Variants in SEMA6A observed in about 807,000 individuals in gnomAD.
The protein encoded by SEMA6A is semaphorin-6A.
A neutral mutation model predicts 96.8 loss-of-function variants in SEMA6A; 25 were observed. The observed-to-expected ratio is 0.26, with a 90% CI of 0.19 to 0.36. The LOEUF (loss-of-function observed/expected upper bound fraction) is 0.36, where lower values mean the gene tolerates loss of function less well. SEMA6A is among the 10% of genes least tolerant of loss of function. The pLI is 1.00. For synonymous variants in SEMA6A, 612 were observed against 518.0 expected (o/e 1.18, Z -2.46); for missense variants, 1,363 against 1,323.1 (o/e 1.03, Z -0.47).
At chr5:116,454,790 G>GTGTGTGTGTGTGTGTGCA (rs1754893863) in intron 18 of SEMA6A, among the ~76,000 whole-genome samples, 1 of 2,800 alleles carries the variant, frequency 3.6e-4, no homozygotes, top group African/African-American at 1.0e-3. Flanking sequence ...TTTCCTTTAA[G>GTGTGTGTGTGTGTGTGCA]TGTGTGTGTG....
At chr5:116,447,848 A>C (rs1431615290) in intron 18 of SEMA6A, 37 bp from the exon 19 acceptor site, 1 of 1,498,874 alleles carries the variant, frequency 6.7e-7, no homozygotes, top group African/African-American at 1.4e-5. Flanking sequence ...AAGAAATGAA[A>C]GCACACCCCG....
At chr5:116,458,911 G>A (rs1482409474) in intron 18 of SEMA6A, among the ~76,000 whole-genome samples, 8 of 151,966 alleles carry the variant, frequency 5.3e-5, no homozygotes, top group South Asian at 2.1e-4. Context: ...CCCTGCACAC[G>A]TTCAAACATG....
At chr5:116,524,789 GAC>G (rs1379145592) in intron 1 of SEMA6A, among the ~76,000 whole-genome samples, 9 of 130,646 alleles carry the variant, frequency 6.9e-5, no homozygotes, top group Middle Eastern at 4.0e-3. Context: ...CACACACACA[GAC>G]ACACACACAC....
chr5:116,473,079 G>A lies in SEMA6A; in HGVS notation c.1723C>T (p.Leu575=). The change falls in exon 17 of 19, where the codon CTG becomes TTG. Residue 575 remains leucine, a synonymous_variant. Transcript: ENST00000343348. ...AGAGTAATATCTTCCTTACCATTCAGTGCCACAAAGGAATCTGAAAGACAA... is the reference window on the plus strand; with the variant it reads ...AGAGTAATATCTTCCTTACCATTCAATGCCACAAAGGAATCTGAAAGACAA... ...LGDCHNSFVA[L]NGHSSSLLPS... 6.3e-7 allele frequency: 1 copy of A among 1,594,970 alleles called. No individual in the cohort carries two copies. The highest frequency in any genetic ancestry group is 8.5e-7 in the Non-Finnish European group (1 of 1,169,822).
chr5:116,478,127 T>C lies in SEMA6A; in HGVS notation c.1455A>G (p.Lys485=), dbSNP rs757450618. 1 of 1,613,940 alleles carries C rather than the reference T, an allele frequency of 6.2e-7. No individual in the cohort carries two copies. Among genetic ancestry groups the C allele is most frequent in the South Asian group, 1.1e-5 (1 of 91,086 alleles). The change falls in exon 14 of 19, where the codon AAA becomes AAG. Residue 485 remains lysine (K), a synonymous_variant. Transcript: ENST00000343348. ...TGTCCAGCTGCATGCCCATGATCCT[T>C]TTGTCTTCGACTCCATCATAGCTGC... ...EKCSYDGVED[K]RIMGMQLDRA...
At position 116,446,598 on chromosome 5, in the gene SEMA6A, C is replaced by G. The variant is rs757374598; in HGVS notation, c.*15G>C. On this transcript the variant is annotated 3_prime_UTR_variant, in exon 19 of 19. Coordinates refer to ENST00000343348, the MANE Select transcript of SEMA6A (RefSeq NM_020796.5). ...CTTGCCTGCTGGTTCGACACCTGAC[C>G]CCCTCCCCCTGGGATTATGTACACG... 2.0e-6 allele frequency: 3 copies of G among 1,463,968 alleles called. No homozygotes were observed. The highest frequency in any genetic ancestry group is 2.7e-6 in the Non-Finnish European group (3 of 1,105,044). 90.7% of individuals were successfully genotyped at this position (1,463,968 alleles called of 1,614,324 possible).
At chr5:116,511,031 G>A (rs564334701) in intron 1 of SEMA6A, among the ~76,000 whole-genome samples, 3 of 152,266 alleles carry the variant, frequency 2.0e-5, no homozygotes, top group Non-Finnish European at 4.4e-5. Context: ...AATTCAGGGA[G>A]GTTAAGTAAC....
rs1754022772 is a variant in SEMA6A, at chr5:116,443,596, G to T, written c.*3017C>A. 6.6e-6 allele frequency: 1 copy of T among 152,634 alleles called. No homozygotes were observed. Among genetic ancestry groups the T allele is most frequent in the African/African-American group, 2.4e-5 (1 of 41,456 alleles). 9.5% of individuals were successfully genotyped at this position (152,634 alleles called of 1,614,324 possible). A position where few individuals can be genotyped will look rare whatever the true frequency, so the allele number is the denominator to read the frequency against. On this transcript the variant is annotated 3_prime_UTR_variant, in exon 19 of 19. Coordinates refer to ENST00000343348, the MANE Select transcript of SEMA6A (RefSeq NM_020796.5). ...GGTTTTATTACTTTTAAGTAATAAAGAGCCTTTTCCTTGCTTTTCTTTTTT... is the reference window on the plus strand; with the variant it reads ...GGTTTTATTACTTTTAAGTAATAAATAGCCTTTTCCTTGCTTTTCTTTTTT...
At chr5:116,569,736 T>C (rs1761135423) in intron 1 of SEMA6A, among the ~76,000 whole-genome samples, 1 of 152,076 alleles carries the variant, frequency 6.6e-6, no homozygotes, top group South Asian at 2.1e-4. Context: ...ACAGAGAAGC[T>C]TCAAGGAGAA....
intron 1 of SEMA6A, among the ~76,000 whole-genome samples, chr5:116,519,849 C>A (rs374865910): frequency 8.1e-4 from 124 of 152,278 alleles, no homozygotes; most frequent in African/African-American, 2.8e-3. Context: ...CTTAATCTAA[C>A]CTAACCTCAG....
chr5:116,533,580 G>A (rs1759582165), intron 1 of SEMA6A, among the ~76,000 whole-genome samples: 2 of 152,176 alleles, frequency 1.3e-5, no homozygotes, highest in Admixed American at 1.3e-4. Flanking sequence ...GGCACTGTCA[G>A]AGAAAAATTG....
intron 1 of SEMA6A, among the ~76,000 whole-genome samples, chr5:116,572,396 C>A (rs1417314699): frequency 6.6e-6 from 1 of 152,250 alleles, no homozygotes; most frequent in African/African-American, 2.4e-5. Flanking sequence ...AAAAAGCCTG[C>A]AGGGCTCCCC....
rs1231717461 is a variant in SEMA6A, at chr5:116,574,591, G to C, written c.-445C>G. On this transcript the variant is annotated 5_prime_UTR_variant, in exon 1 of 19. Coordinates refer to ENST00000343348, the MANE Select transcript of SEMA6A (RefSeq NM_020796.5). ...CGATTAACAAGTCATTTCAGGGCGG[G>C]GGGCGGGGTGGGGGCTGGGGCAGGG... 3 of 140,376 alleles carry C rather than the reference G, an allele frequency of 2.1e-5. No individual in the cohort carries two copies. Among genetic ancestry groups the C allele is most frequent in the African/African-American group, 7.6e-5 (3 of 39,366 alleles). The allele number at this position is 140,376 out of a possible 1,614,324, so 8.7% of individuals were successfully genotyped here.
chr5:116,498,121 T>C (rs1757690820), intron 3 of SEMA6A, among the ~76,000 whole-genome samples: 1 of 152,126 alleles, frequency 6.6e-6, no homozygotes, highest in South Asian at 2.1e-4. Flanking sequence ...TCCCCTTCTG[T>C]GTGAGCTGAG....
At chr5:116,462,760 G>T (rs891129252) in intron 18 of SEMA6A, among the ~76,000 whole-genome samples, 1 of 152,116 alleles carries the variant, frequency 6.6e-6, no homozygotes, top group African/African-American at 2.4e-5. Flanking sequence ...AAAGTTCTTG[G>T]TAATAGTTTA....
At chr5:116,453,965 A>G (rs77063974) in intron 18 of SEMA6A, among the ~76,000 whole-genome samples, 1,676 of 152,244 alleles carry the variant, frequency 0.011, 63 homozygotes, top group Admixed American at 0.063. Flanking sequence ...CCCCACCCCA[A>G]TTACCACCCT....
Position 116,447,548 on chromosome 5 carries a change from C to G in SEMA6A, c.2158G>C (p.Glu720Gln). Residue 720 changes from glutamate to glutamine, a missense_variant, in exon 19 of 19, where the codon GAG (glutamate) becomes CAG (glutamine). Glu to Gln is a conservative substitution (Grantham distance 29). This residue lies in a region of SEMA6A where 883 missense variants were observed against 763.6 expected (regional missense o/e 1.16). Coordinates refer to ENST00000343348, the MANE Select transcript of SEMA6A (RefSeq NM_020796.5). ...TGCATGAGTGGCGTGAGGATGGCCT[C>G]CGGCTTTGGGTCTTTGGATTGAGTG... is the stretch of plus-strand genomic sequence containing the variant. ...GDTQSKDPKP[E>Q]AILTPLMHNG... 1 of 1,614,050 alleles carries G rather than the reference C, an allele frequency of 6.2e-7. No homozygotes were observed. Among genetic ancestry groups the G allele is most frequent in the Non-Finnish European group, 8.5e-7 (1 of 1,179,908 alleles).
chr5:116,478,929 A>AGAGTGT (rs1252808674), intron 12 of SEMA6A, among the ~76,000 whole-genome samples: 11 of 149,248 alleles, frequency 7.4e-5, no homozygotes, highest in Non-Finnish European at 3.0e-5. Context: ...GGTGTGAGAG[A>AGAGTGT]GTGTGTGTGT....
chr5:116,510,522 G>A (rs1032801454), intron 1 of SEMA6A, among the ~76,000 whole-genome samples: 9 of 152,014 alleles, frequency 5.9e-5, no homozygotes, highest in African/African-American at 2.2e-4. Flanking sequence ...TCTTCATATG[G>A]GTAAAATAGT....
Sources: gnomAD v4.1 joint callset for allele counts (sites outside exome capture counted in the v4.1 genomes callset) on GRCh38, gnomAD v4.1.1 for gene constraint, gnomAD v4.1.1 regional missense constraint, MANE v1.5 for transcripts, NCBI Gene and HGNC (gene_info 2026-07-23, HGNC 2026-07-21) for gene names.